The following MYOF variants were observed in gnomAD, a reference collection of about 807,000 sequenced individuals.
MYOF encodes fer-1-like 3, myoferlin.
MYOF carries 244 observed loss-of-function variants against 284.2 expected under a neutral mutation model. That is an observed-to-expected ratio of 0.86 (90% CI 0.77 to 0.95). The LOEUF is 0.95. MYOF is among the 40% of genes least tolerant of loss of function. The pLI is 0.00. For synonymous variants in MYOF, 904 were observed against 919.7 expected (o/e 0.98, Z 0.31); for missense variants, 2,496 against 2,560.6 (o/e 0.97, Z 0.54).
At chr10:93,351,321 A>G (rs1364713075) in intron 34 of MYOF, 26 bp from the exon 35 acceptor site, 23 of 1,610,104 alleles carry the variant, frequency 1.4e-5, no homozygotes, top group African/African-American at 2.7e-5. Flanking sequence ...GGATATGTCA[A>G]TGCCTCACTT....
At chr10:93,377,993 G>A (rs372888158) in intron 21 of MYOF, among the ~76,000 whole-genome samples, 87 of 152,290 alleles carry the variant, frequency 5.7e-4, no homozygotes, top group African/African-American at 2.0e-3. Flanking sequence ...GTGCAAATTC[G>A]TTTGCTGAGA....
At chr10:93,452,982 G>A (rs542450433) in intron 2 of MYOF, among the ~76,000 whole-genome samples, 79 of 152,084 alleles carry the variant, frequency 5.2e-4, no homozygotes, top group African/African-American at 8.7e-4. Flanking sequence ...TTGATAAAGC[G>A]TCACTGATGC....
chr10:93,397,524 C>T (rs1300391601), intron 13 of MYOF, 68 bp from the exon 14 acceptor site: 7 of 1,146,468 alleles, frequency 6.1e-6, no homozygotes, highest in Non-Finnish European at 8.8e-6. Context: ...ACAATCTATG[C>T]ATACTAGATT....
intron 39 of MYOF, 100 bp downstream of exon 39, chr10:93,340,053 C>G (rs963366690): frequency 2.3e-6 from 3 of 1,331,584 alleles, no homozygotes; most frequent in Non-Finnish European, 3.1e-6. Context: ...GCACTCCAGC[C>G]TGGGTGAAAG....
At chr10:93,419,160 T>A (rs1848252944) in intron 5 of MYOF, among the ~76,000 whole-genome samples, 1 of 151,040 alleles carries the variant, frequency 6.6e-6, no homozygotes, top group African/African-American at 2.4e-5. Context: ...CCCTTCCTTT[T>A]TTCTTCTTTT....
chr10:93,376,600 TAGCCCAGTGTGGGGAATAA>T, intron 22 of MYOF, among the ~76,000 whole-genome samples: 1 of 142,832 alleles, frequency 7.0e-6, no homozygotes, highest in South Asian at 2.8e-4. Context: ...CTTAGGGTGT[TAGCCCAGTGTGGGGAATAA>T]AGGCCTTTTT....
chr10:93,343,981 G>C, intron 37 of MYOF, 49 bp from the exon 38 acceptor site: 4 of 1,599,892 alleles, frequency 2.5e-6, no homozygotes, highest in Non-Finnish European at 2.6e-6. Context: ...GAAATACAGT[G>C]GTGAACATTC....
chr10:93,439,571 G>C (rs2056181858), intron 3 of MYOF, among the ~76,000 whole-genome samples: 1 of 152,206 alleles, frequency 6.6e-6, no homozygotes, highest in African/African-American at 2.4e-5. Context: ...GAACGTGGAG[G>C]CAGGCAGGCC....
intron 37 of MYOF, among the ~76,000 whole-genome samples, chr10:93,344,501 G>C (rs910930932): frequency 1.3e-5 from 2 of 151,948 alleles, no homozygotes; most frequent in South Asian, 2.1e-4. Context: ...AACATACAGA[G>C]AGCCTACATC....
chr10:93,480,537 A>G (rs775395746), intron 1 of MYOF, among the ~76,000 whole-genome samples: 5 of 124,474 alleles, frequency 4.0e-5, no homozygotes, highest in African/African-American at 6.3e-5. Flanking sequence ...GTGCAGTAGC[A>G]TGATCTCGGC....
chr10:93,338,253 A>G (rs1245493423), intron 39 of MYOF: 18 of 455,040 alleles, frequency 4.0e-5, no homozygotes, highest in Admixed American at 3.5e-4. Flanking sequence ...ATACATATAA[A>G]TTTAAAGAAA....
chr10:93,428,636 C>A (rs1002671272), intron 4 of MYOF, among the ~76,000 whole-genome samples: 1 of 151,348 alleles, frequency 6.6e-6, no homozygotes, highest in Non-Finnish European at 1.5e-5. Context: ...TTCCATTTTT[C>A]TGTTCATCAG....
chr10:93,381,197 G>C (rs1240437508), intron 20 of MYOF, 22 bp downstream of exon 20: 1 of 1,613,300 alleles, frequency 6.2e-7, no homozygotes, highest in Non-Finnish European at 8.5e-7. Context: ...CGTGTGGAGA[G>C]AACTGTTAGT....
intron 5 of MYOF, among the ~76,000 whole-genome samples, chr10:93,424,539 T>C (rs189023653): frequency 7.2e-5 from 11 of 152,068 alleles, no homozygotes; most frequent in Non-Finnish European, 1.5e-4. Context: ...CAGGGCTGAG[T>C]GTCCAAAGCC....
chr10:93,480,438 T>A (rs2057361194), intron 1 of MYOF, among the ~76,000 whole-genome samples: 1 of 151,420 alleles, frequency 6.6e-6, no homozygotes, highest in South Asian at 2.1e-4. Context: ...CCTTTAGATT[T>A]TTTTTTTAAC....
intron 25 of MYOF, among the ~76,000 whole-genome samples, chr10:93,369,311 T>C (rs995748975): frequency 6.6e-6 from 1 of 151,698 alleles, no homozygotes; most frequent in African/African-American, 2.4e-5. Flanking sequence ...CAGGAACCAA[T>C]AAGATTATTA....
chr10:93,482,057 A>G, intron 1 of MYOF, 50 bp downstream of exon 1: 1 of 1,531,638 alleles, frequency 6.5e-7, no homozygotes, highest in Admixed American at 1.7e-5. Context: ...GACTCAAGAA[A>G]CTAACATTCC....
intron 9 of MYOF, among the ~76,000 whole-genome samples, chr10:93,403,637 C>G (rs1331869202): frequency 6.6e-6 from 1 of 152,202 alleles, no homozygotes; most frequent in Non-Finnish European, 1.5e-5. Flanking sequence ...AACCTCTTGC[C>G]TTGTTTGGCT....
At chr10:93,467,577 G>T (rs1215362274) in intron 1 of MYOF, among the ~76,000 whole-genome samples, 2 of 151,908 alleles carry the variant, frequency 1.3e-5, no homozygotes, top group African/African-American at 4.8e-5. Flanking sequence ...AATTCCTCAG[G>T]GATCTAGAAC....
Sources: gnomAD v4.1 joint callset for allele counts (sites outside exome capture counted in the v4.1 genomes callset) on GRCh38, gnomAD v4.1.1 for gene constraint, MANE v1.5 for transcripts, NCBI Gene and HGNC (gene_info 2026-07-23, HGNC 2026-07-21) for gene names.